PRDX3: variants seen among roughly 807,000 people sequenced by gnomAD.
PRDX3 encodes thioredoxin-dependent peroxide reductase, mitochondrial.
PRDX3 carries 20 observed loss-of-function variants against 30.4 expected under a neutral mutation model. The ratio of observed to expected loss-of-function variants is 0.66; its 90% CI spans 0.46 to 0.96. The LOEUF is 0.96. Ranked by LOEUF, PRDX3 falls within the 40% of genes least tolerant of loss-of-function variation. The pLI, the probability that PRDX3 is intolerant of heterozygous loss-of-function variation, is 0.00. For synonymous variants in PRDX3, 124 were observed against 117.8 expected (o/e 1.05, Z -0.34); for missense variants, 322 against 318.3 (o/e 1.01, Z -0.09).
At position 119,168,483 on chromosome 10, in the gene PRDX3, C is replaced by G. The variant is rs1418971111; in HGVS notation, c.768G>C (p.Gln256His). The part of the protein sequence containing the change: ...ASKEYFQKVN[Q>H] ...GGTGCAGATACACATGGGTGATCTA[C>G]TGATTTACCTTCTGAAAGTACTCTT... is the stretch of plus-strand genomic sequence containing the variant. Residue 256 changes from glutamine (Q) to histidine (H), a missense_variant, in exon 7 of 7, where the codon CAG (glutamine) becomes CAC (histidine). Coordinates refer to ENST00000298510, the MANE Select transcript of PRDX3 (RefSeq NM_006793.5). The G allele has an allele frequency of 6.2e-7, 1 of 1,613,782 alleles. No individual in the cohort carries two copies. Among genetic ancestry groups the G allele is most frequent in the African/African-American group, 1.3e-5 (1 of 75,028 alleles).
chr10:119,171,428 G>A lies in PRDX3; in HGVS notation c.551+954C>T, dbSNP rs554186718. ...GGATCCCCTCTCTTCCTTCCTGGAG[G>A]TCAAGTTCTGCCCTATCCCTCCTTC... On this transcript the variant is annotated intron_variant, in intron 5 of 6. Coordinates refer to ENST00000298510, the MANE Select transcript of PRDX3 (RefSeq NM_006793.5). 9.2e-5 allele frequency among the ~76,000 whole-genome samples: 14 copies of A among 152,278 alleles called. No homozygotes were observed. The South Asian group carries it at 2.9e-3, about 32-fold the overall frequency.
At position 119,173,750 on chromosome 10, in the gene PRDX3, T is replaced by C; in HGVS notation, c.434A>G (p.Asn145Ser). 2 of 1,612,062 alleles carry C rather than the reference T, an allele frequency of 1.2e-6. No homozygotes were observed. The highest frequency in any genetic ancestry group is 1.7e-6 in the Non-Finnish European group (2 of 1,179,906). Residue 145 changes from asparagine to serine, a missense_variant, in exon 4 of 7, where the codon AAT (asparagine) becomes AGT (serine). By Grantham distance (46) the Asn-to-Ser change is conservative (BLOSUM62 1). Coordinates refer to ENST00000298510, the MANE Select transcript of PRDX3 (RefSeq NM_006793.5). The part of the protein sequence containing the change: ...DSHFSHLAWI[N>S]TPRKNGGLGH... The stretch of plus-strand genomic sequence containing the variant: ...ACAATGCCATACCTTTCTTGGTGTA[T>C]TTATCCAGGCAAGATGGCTAAAGTG...
At chr10:119,174,780 C>G (rs543987400) in intron 2 of PRDX3, 188 bp from the exon 3 acceptor site, 6 of 498,418 alleles carry the variant, frequency 1.2e-5, no homozygotes, top group South Asian at 4.6e-5. Flanking sequence ...TCTAGGATAT[C>G]GAAATCTACA....
rs755130944 is a variant in PRDX3 at position 119,174,586 on chromosome 10, G to A, written c.176C>T (p.Ser59Leu). 3 of 1,584,598 alleles carry A rather than the reference G, an allele frequency of 1.9e-6. No homozygotes were observed. The highest frequency in any genetic ancestry group is 2.7e-5 in the African/African-American group (2 of 73,054). ...SQAKLFSTSS[S>L]CHAPAVTQHA... ...CTGGGTGACAGCAGGTGCATGGCAT[G>A]AGGAACCTGAAAAAAAACCCACACT... is the stretch of plus-strand genomic sequence containing the variant. The change falls in exon 3 of 7, where the codon TCA becomes TTA. Residue 59 changes from serine to leucine, a missense_variant. Ser to Leu is a moderately radical substitution (Grantham distance 145). Transcript: ENST00000298510.
chr10:119,173,996 T>C, intron 3 of PRDX3, 124 bp from the exon 4 acceptor site: 1 of 886,762 alleles, frequency 1.1e-6, no homozygotes, highest in South Asian at 1.9e-5. Context: ...CCATCCTCAC[T>C]GGACTATAGT....
In PRDX3 at chr10:119,172,400, C is replaced by T; in HGVS notation, c.533G>A (p.Gly178Asp). The T allele has an allele frequency of 6.2e-7, 1 of 1,613,320 alleles. No individual in the cohort carries two copies. The change falls in exon 5 of 7, where the codon GGT becomes GAT. Residue 178 changes from glycine to aspartate, a missense_variant. By Grantham distance (94) the Gly-to-Asp change is moderately conservative. Transcript: ENST00000298510. ...ISRDYGVLLEGSGLALRGLFI... is the reference protein window; with the variant it reads ...ISRDYGVLLEDSGLALRGLFI... ...ATCTTACCTTAGTGCAAGACCAGAA[C>T]CTTCTAACAGCACACCGTAGTCTCG... is the stretch of plus-strand genomic sequence containing the variant.
intron 2 of PRDX3, 141 bp from the exon 3 acceptor site, chr10:119,174,733 G>C: frequency 1.2e-6 from 1 of 822,180 alleles, no homozygotes; most frequent in Non-Finnish European, 1.8e-6. Flanking sequence ...GTACATCTTA[G>C]GCACAGTCAT....
At chr10:119,177,365 G>T (rs1005961092) in intron 1 of PRDX3, among the ~76,000 whole-genome samples, 1 of 152,028 alleles carries the variant, frequency 6.6e-6, no homozygotes, top group Non-Finnish European at 1.5e-5. Context: ...GGAACTATAA[G>T]AACACAAAGA....
rs1847802769 is a variant in PRDX3 at position 119,167,839 on chromosome 10, A to G, written c.*641T>C. ...ATATCCTTTATAATCGATTACACTA[A>G]TCAATATCTAGAAATATACATAGAC... is the stretch of plus-strand genomic sequence containing the variant. On this transcript the variant is annotated 3_prime_UTR_variant, in exon 7 of 7. Coordinates refer to ENST00000298510, the MANE Select transcript of PRDX3 (RefSeq NM_006793.5). The G allele has an allele frequency of 6.6e-6, 1 of 152,288 alleles. No homozygotes were observed. The highest frequency in any genetic ancestry group is 2.4e-5 in the African/African-American group (1 of 41,476). The allele number at this position is 152,288 out of a possible 1,614,324, so 9.4% of individuals were successfully genotyped here.
At position 119,168,108 on chromosome 10, in the gene PRDX3, C is replaced by T; in HGVS notation, c.*372G>A. 5.7e-6 allele frequency: 1 copy of T among 176,588 alleles called. No individual in the cohort carries two copies. The highest frequency in any genetic ancestry group is 1.2e-5 in the Non-Finnish European group (1 of 84,486). 10.9% of individuals were successfully genotyped at this position (176,588 alleles called of 1,614,324 possible). A position where few individuals can be genotyped will look rare whatever the true frequency, so the allele number is the denominator to read the frequency against. On this transcript the variant is annotated 3_prime_UTR_variant, in exon 7 of 7. Coordinates refer to ENST00000298510, the MANE Select transcript of PRDX3 (RefSeq NM_006793.5). ...ACATTCAAGATGAAAATTTCAGGAC[C>T]GTTGATCAGAAGCTTTCAATGTGTG...
Position 119,168,198 on chromosome 10 carries a change from C to T in PRDX3, c.*282G>A. On this transcript the variant is annotated 3_prime_UTR_variant, in exon 7 of 7. Coordinates refer to ENST00000298510, the MANE Select transcript of PRDX3 (RefSeq NM_006793.5). ...AGAAAGAAGAGTGTTTCCATTGAGA[C>T]ATGATCTAAGAATAGCCTTCTATAG... 1 of 403,560 alleles carries T rather than the reference C, an allele frequency of 2.5e-6. No individual in the cohort carries two copies. The highest frequency in any genetic ancestry group is 4.3e-6 in the Non-Finnish European group (1 of 232,112). 25.0% of individuals were successfully genotyped at this position (403,560 alleles called of 1,614,324 possible).
chr10:119,174,621 T>C (rs1847985069), intron 2 of PRDX3, 29 bp from the exon 3 acceptor site: 3 of 1,542,782 alleles, frequency 1.9e-6, no homozygotes, highest in Non-Finnish European at 2.6e-6. Flanking sequence ...TCATATGGAG[T>C]TCATCATTTG....
At position 119,168,256 on chromosome 10, in the gene PRDX3, C is replaced by A; in HGVS notation, c.*224G>T. The A allele has an allele frequency of 1.2e-6, 1 of 851,176 alleles. No individual in the cohort carries two copies. 52.7% of individuals were successfully genotyped at this position (851,176 alleles called of 1,614,324 possible). ...TTATGTTCTGTAGAAACTAGCTAGC[C>A]AGCCACCAAGATGTTACCAATAAAG... On this transcript the variant is annotated 3_prime_UTR_variant, in exon 7 of 7. Transcript: ENST00000298510.
At chr10:119,176,694 T>G (rs993368400) in intron 2 of PRDX3, among the ~76,000 whole-genome samples, 2 of 152,152 alleles carry the variant, frequency 1.3e-5, no homozygotes, top group Non-Finnish European at 2.9e-5. Context: ...TCACAGCTCT[T>G]CAGACACACT....
chr10:119,174,259 C>T (rs9651477), intron 3 of PRDX3, among the ~76,000 whole-genome samples, 192 bp downstream of exon 3: 149,885 of 152,300 alleles, frequency 0.98, 73,809 homozygotes, highest in East Asian at 1. Flanking sequence ...AGCTGTCCTA[C>T]CCCACCCCCG....
At chr10:119,174,954 CTT>C (rs1436941431) in intron 2 of PRDX3, among the ~76,000 whole-genome samples, 7 of 151,840 alleles carry the variant, frequency 4.6e-5, no homozygotes, top group African/African-American at 1.7e-4. Flanking sequence ...GAAAAAAAGA[CTT>C]TGTGTTCAGT....
In PRDX3 at chr10:119,172,387, T is replaced by G. The variant is rs767526984; in HGVS notation, c.546A>C (p.Ala182=). 2.9e-5 allele frequency: 47 copies of G among 1,607,888 alleles called. No individual in the cohort carries two copies. The highest frequency in any genetic ancestry group is 3.7e-5 in the Non-Finnish European group (44 of 1,174,396). ...YGVLLEGSGL[A]LRGLFIIDPN... ...CATCAGAAACAGGATCTTACCTTAG[T>G]GCAAGACCAGAACCTTCTAACAGCA... Residue 182 remains alanine, a synonymous_variant, in exon 5 of 7, where the codon GCA becomes GCC. Transcript: ENST00000298510.
intron 1 of PRDX3, among the ~76,000 whole-genome samples, chr10:119,178,492 C>A (rs1226119437): frequency 1.3e-5 from 2 of 152,222 alleles, no homozygotes; most frequent in Non-Finnish European, 2.9e-5. Context: ...GGGCCAGGAC[C>A]TTAAGTGGAG....
chr10:119,173,719 A>C lies in PRDX3; in HGVS notation c.447+18T>G, dbSNP rs1426384656. 6.2e-7 allele frequency: 1 copy of C among 1,608,614 alleles called. No homozygotes were observed. The highest frequency in any genetic ancestry group is 8.5e-7 in the Non-Finnish European group (1 of 1,178,654). ...AAGCAAGTTTATAAGAGCAAAAGCTAGGGGTACAATGCCATACCTTTCTTG... is the reference window on the plus strand; with the variant it reads ...AAGCAAGTTTATAAGAGCAAAAGCTCGGGGTACAATGCCATACCTTTCTTG... On this transcript the variant is annotated intron_variant, in intron 4 of 6. Transcript: ENST00000298510.
Sources: allele counts gnomAD v4.1 joint callset (sites outside exome capture counted in the v4.1 genomes callset), GRCh38; gene constraint gnomAD v4.1.1; transcripts MANE v1.5; gene names NCBI Gene and HGNC (gene_info 2026-07-23, HGNC 2026-07-21).